SEPTIN3: variants seen among roughly 807,000 people sequenced by gnomAD.
SEPTIN3 encodes the protein neuronal-specific septin-3.
A neutral mutation model predicts 45.1 loss-of-function variants in SEPTIN3; 15 were observed. The observed-to-expected ratio is 0.33, with a 90% CI of 0.22 to 0.51. The LOEUF is 0.51. SEPTIN3 is among the 20% of genes least tolerant of loss of function. SEPTIN3 has a pLI of 0.97. For missense variants in SEPTIN3, 289 were observed against 457.2 expected (o/e 0.63, Z 3.35); for synonymous variants, 148 against 164.8 (o/e 0.90, Z 0.78).
chr22:41,997,145 C>T lies in SEPTIN3; in HGVS notation c.*178C>T. On this transcript the variant is annotated 3_prime_UTR_variant, in exon 12 of 12. Coordinates refer to ENST00000644076, the MANE Select transcript of SEPTIN3 (RefSeq NM_001363845.2). ...TTGCATCCTCCATTTATCCAAACCA[C>T]TCCTCTCCTCCCAGTGGAGTGGGGT... 1 of 1,189,848 alleles carries T rather than the reference C, an allele frequency of 8.4e-7. No homozygotes were observed. The highest frequency in any genetic ancestry group is 1.2e-6 in the Non-Finnish European group (1 of 865,510). 73.7% of individuals were successfully genotyped at this position (1,189,848 alleles called of 1,614,324 possible).
At chr22:41,990,925 G>A (rs374066981) in intron 7 of SEPTIN3, among the ~76,000 whole-genome samples, 10 of 151,916 alleles carry the variant, frequency 6.6e-5, no homozygotes, top group African/African-American at 2.4e-4. Context: ...TTAGCTGGGC[G>A]TGGTGGCATA....
chr22:41,990,812 C>T (rs1266257353), intron 7 of SEPTIN3, among the ~76,000 whole-genome samples: 1 of 150,916 alleles, frequency 6.6e-6, no homozygotes, highest in Admixed American at 6.6e-5. Context: ...GCCTGTAATC[C>T]CAGCACTTTG....
At chr22:41,977,123 C>T (rs1480104705) in intron 2 of SEPTIN3, 2 of 1,565,072 alleles carry the variant, frequency 1.3e-6, no homozygotes, top group South Asian at 1.2e-5. Context: ...GAGGCTGCGG[C>T]CCCGGCCAGC....
intron 7 of SEPTIN3, among the ~76,000 whole-genome samples, chr22:41,990,484 G>T (rs540269140): frequency 6.6e-6 from 1 of 150,852 alleles, no homozygotes; most frequent in Admixed American, 6.6e-5. Flanking sequence ...GGTGGCTCAT[G>T]CCTGTAATCC....
chr22:41,988,863 C>T (rs952846520), intron 6 of SEPTIN3, among the ~76,000 whole-genome samples: 13 of 152,126 alleles, frequency 8.5e-5, no homozygotes, highest in African/African-American at 2.9e-4. Context: ...CGGTGGCTCT[C>T]GCCTATAATC....
Position 41,997,186 on chromosome 22 carries a change from C to G in SEPTIN3, c.*219C>G, listed in dbSNP as rs1009650985. ...GGAGTGGGGTTCTGCCAGTACAGCC[C>G]TACTGCATCATCTGCGTCAGCCGGT... is the stretch of plus-strand genomic sequence containing the variant. On this transcript the variant is annotated 3_prime_UTR_variant, in exon 12 of 12. Transcript: ENST00000644076. 1 of 812,032 alleles carries G rather than the reference C, an allele frequency of 1.2e-6. No individual in the cohort carries two copies. The highest frequency in any genetic ancestry group is 1.7e-5 in the African/African-American group (1 of 57,374). 50.3% of individuals were successfully genotyped at this position (812,032 alleles called of 1,614,324 possible). A position where few individuals can be genotyped will look rare whatever the true frequency, so the allele number is the denominator to read the frequency against.
At chr22:41,969,862 G>T (rs564774265) in intron 1 of SEPTIN3, among the ~76,000 whole-genome samples, 185 bp downstream of exon 1, 6 of 152,174 alleles carry the variant, frequency 3.9e-5, no homozygotes, top group Admixed American at 3.3e-4. Flanking sequence ...CACACTGAGG[G>T]GAGCTGTTTG....
chr22:41,979,916 GC>G (rs2078094011), intron 2 of SEPTIN3, among the ~76,000 whole-genome samples: 1 of 152,140 alleles, frequency 6.6e-6, no homozygotes, highest in Admixed American at 6.5e-5. Context: ...TTGAGACTCT[GC>G]AGGGTGTTAG....
At chr22:41,981,025 C>G (rs942655178) in intron 2 of SEPTIN3, among the ~76,000 whole-genome samples, 2 of 152,144 alleles carry the variant, frequency 1.3e-5, no homozygotes, top group African/African-American at 4.8e-5. Flanking sequence ...CTGTTTGCTT[C>G]TAAAAGATGA....
chr22:41,995,613 A>T, intron 11 of SEPTIN3: 2 of 985,386 alleles, frequency 2.0e-6, no homozygotes, highest in Non-Finnish European at 2.4e-6. Flanking sequence ...TATATTTAGC[A>T]TTTATGCCCA....
At position 41,997,140 on chromosome 22, in the gene SEPTIN3, A is replaced by C; in HGVS notation, c.*173A>C. 8 of 1,225,442 alleles carry C rather than the reference A, an allele frequency of 6.5e-6. No homozygotes were observed. The highest frequency in any genetic ancestry group is 1.5e-5 in the African/African-American group (1 of 65,788). 75.9% of individuals were successfully genotyped at this position (1,225,442 alleles called of 1,614,324 possible). On this transcript the variant is annotated 3_prime_UTR_variant, in exon 12 of 12. Coordinates refer to ENST00000644076, the MANE Select transcript of SEPTIN3 (RefSeq NM_001363845.2). ...GCCAGTTGCATCCTCCATTTATCCA[A>C]ACCACTCCTCTCCTCCCAGTGGAGT...
At chr22:41,996,846 T>G in intron 11 of SEPTIN3, 56 bp from the exon 12 acceptor site, 2 of 1,609,346 alleles carry the variant, frequency 1.2e-6, no homozygotes, top group Non-Finnish European at 1.7e-6. Context: ...GTATTTTATA[T>G]GTCTGCTGCC....
rs755816901 is a variant in SEPTIN3 at position 41,977,038 on chromosome 22, TGGAGGAACGGAGACAAA to T, written c.1504+4049_1504+4065del. 1.9e-6 allele frequency: 3 copies of T among 1,598,714 alleles called. No homozygotes were observed. The South Asian group carries it at 3.4e-5, about 18-fold the overall frequency. On this transcript the variant is annotated intron_variant, in intron 2 of 11. Transcript: ENST00000644076. The stretch of plus-strand genomic sequence containing the variant: ...CAGCCCCGCGCCCGGAGCATCTCCC[TGGAGGAACGGAGACAAA>T]GGAGGATTCATGTCCAAAGGTAGGG...
At chr22:41,990,300 C>T (rs553191276) in intron 7 of SEPTIN3, among the ~76,000 whole-genome samples, 8 of 151,522 alleles carry the variant, frequency 5.3e-5, no homozygotes, top group Admixed American at 1.3e-4. Flanking sequence ...GTGATCTGCC[C>T]GCCTCGGCCT....
At position 41,994,378 on chromosome 22, in the gene SEPTIN3, T is replaced by A; in HGVS notation, c.2411+37T>A. On this transcript the variant is annotated intron_variant, in intron 10 of 11. Coordinates refer to ENST00000644076, the MANE Select transcript of SEPTIN3 (RefSeq NM_001363845.2). The surrounding 1 kb of genome is among the most constrained non-coding windows in gnomAD (Gnocchi z 4.2). ...CCCCTCCAGCTGTCCAGACAGCAGG[T>A]TGAATTATTTGGGGTCAGGGTCTAT... 1 of 1,603,606 alleles carries A rather than the reference T, an allele frequency of 6.2e-7. No homozygotes were observed. The highest frequency in any genetic ancestry group is 8.5e-7 in the Non-Finnish European group (1 of 1,170,898).
At position 41,994,883 on chromosome 22, in the gene SEPTIN3, CTGTGTGTGTGTGTG is replaced by C. The variant is rs59942714; in HGVS notation, c.2505+196_2505+209del. The C allele has an allele frequency of 3.6e-3, 4,832 of 1,343,488 alleles. 1 individual carries two copies. The highest frequency in any genetic ancestry group is 4.2e-3 in the Non-Finnish European group (4,358 of 1,036,026). The allele number at this position is 1,343,488 out of a possible 1,614,324, so 83.2% of individuals were successfully genotyped here. On this transcript the variant is annotated intron_variant, in intron 11 of 11. Coordinates refer to ENST00000644076, the MANE Select transcript of SEPTIN3 (RefSeq NM_001363845.2). This position sits in a 1 kb window ranked among gnomAD's most constrained non-coding sequence, Gnocchi z 4.2. The stretch of plus-strand genomic sequence containing the variant: ...GTCTGGTATTTGTGGAGCATCTTGT[CTGTGTGTGTGTGTG>C]TGTGTGTGTGTGTGTGTGTGTGTGT...
chr22:41,981,486 T>G (rs1335713133), intron 2 of SEPTIN3, 159 bp from the exon 3 acceptor site: 5 of 599,518 alleles, frequency 8.3e-6, no homozygotes, highest in Non-Finnish European at 1.2e-5. Context: ...CCTCAGTCTC[T>G]TTGTCTATGA....
rs1314051157 is a variant in SEPTIN3, at chr22:41,992,726, G to A, written c.2322G>A (p.Arg774=). 1.2e-6 allele frequency: 2 copies of A among 1,612,434 alleles called. No homozygotes were observed. Among genetic ancestry groups the A allele is most frequent in the Non-Finnish European group, 8.5e-7 (1 of 1,179,452 alleles). Residue 774 remains arginine (R), a synonymous_variant, in exon 9 of 12, where the codon AGG becomes AGA. Coordinates refer to ENST00000644076, the MANE Select transcript of SEPTIN3 (RefSeq NM_001363845.2). Reference sequence around the variant, plus strand: ...AGGAGTACCAAGTGAATGGCAAGAGGGTCCTCGGCCGAAAAACTCCATGGG... The same window carrying A: ...AGGAGTACCAAGTGAATGGCAAGAGAGTCCTCGGCCGAAAAACTCCATGGG... ...SDKEYQVNGK[R]VLGRKTPWGI... is the part of the protein sequence containing the mutation.
intron 2 of SEPTIN3, among the ~76,000 whole-genome samples, chr22:41,977,715 G>A (rs1263370405): frequency 6.6e-6 from 1 of 152,042 alleles, no homozygotes; most frequent in Non-Finnish European, 1.5e-5. Context: ...GGGGGGGCCT[G>A]CACTAAGCAG....
Sources: allele counts gnomAD v4.1 joint callset (sites outside exome capture counted in the v4.1 genomes callset), GRCh38; gene constraint gnomAD v4.1.1; non-coding constraint Gnocchi (gnomAD v3.1); transcripts MANE v1.5; gene names NCBI Gene and HGNC (gene_info 2026-07-23, HGNC 2026-07-21).